ELAPOR1: variants seen among roughly 807,000 people sequenced by gnomAD.
The protein encoded by ELAPOR1 is endosome/lysosome-associated apoptosis and autophagy regulator 1.
A neutral mutation model predicts 119.7 loss-of-function variants in ELAPOR1; 77 were observed. The ratio of observed to expected loss-of-function variants is 0.64; its 90% CI spans 0.54 to 0.78. The LOEUF (loss-of-function observed/expected upper bound fraction) is 0.78, where lower values mean the gene tolerates loss of function less well. Ranked by LOEUF, ELAPOR1 falls within the 30% of genes least tolerant of loss-of-function variation. The probability of loss-of-function intolerance (pLI) is 0.00; values close to 1 mark genes in which losing one functional copy is unlikely to be tolerated. For synonymous variants in ELAPOR1, 481 were observed against 487.2 expected (o/e 0.99, Z 0.17); for missense variants, 1,115 against 1,270.4 (o/e 0.88, Z 1.86).
At position 109,161,874 on chromosome 1, in the gene ELAPOR1, C is replaced by T. The variant is rs372901579; in HGVS notation, c.154-20C>T. The T allele has an allele frequency of 5.8e-5, 92 of 1,598,562 alleles. No homozygotes were observed. Among genetic ancestry groups the T allele is most frequent in the Middle Eastern group, 1.7e-4 (1 of 6,048 alleles). ...GATCACTGCTAATGCACATTTCGCC[C>T]ACTGTTCTCTCCCCTGCAGTCTGAG... On this transcript the variant is annotated intron_variant, in intron 1 of 21. Coordinates refer to ENST00000369939, the MANE Select transcript of ELAPOR1 (RefSeq NM_020775.5).
intron 1 of ELAPOR1, among the ~76,000 whole-genome samples, chr1:109,121,239 C>T (rs1648395343): frequency 6.6e-6 from 1 of 152,062 alleles, no homozygotes; most frequent in East Asian, 1.9e-4. Flanking sequence ...CTCCGCCTCC[C>T]AGGTTCAAGG....
At chr1:109,178,199 CG>C (rs1412877198) in intron 7 of ELAPOR1, among the ~76,000 whole-genome samples, 11 of 151,908 alleles carry the variant, frequency 7.2e-5, no homozygotes, top group African/African-American at 2.7e-4. Context: ...TTAGTAGAGA[CG>C]GGGTTTCACC....
At chr1:109,164,067 T>C (rs1473793194) in intron 2 of ELAPOR1, among the ~76,000 whole-genome samples, 1 of 152,164 alleles carries the variant, frequency 6.6e-6, no homozygotes, top group Non-Finnish European at 1.5e-5. Flanking sequence ...GTATATAATT[T>C]ATATGCCATG....
Position 109,194,575 on chromosome 1 carries a change from T to G in ELAPOR1, c.2102T>G (p.Leu701Arg). The G allele has an allele frequency of 6.2e-7, 1 of 1,613,824 alleles. No individual in the cohort carries two copies. Among genetic ancestry groups the G allele is most frequent in the South Asian group, 1.1e-5 (1 of 91,070 alleles). Residue 701 changes from leucine to arginine, a missense_variant, in exon 15 of 22, where the codon CTC becomes CGC. Physicochemically the swap from Leu to Arg is moderately radical, Grantham distance 102. Transcript: ENST00000369939. Reference protein sequence around the residue: ...KGLKYFHHFTLSLCGNQGRKM... With the variant: ...KGLKYFHHFTRSLCGNQGRKM... ...CTGAAATACTTCCATCACTTTACCC[T>G]CAGTCTCTGTGGAAACCAGGTAAGG... is the stretch of plus-strand genomic sequence containing the variant.
At chr1:109,167,017 C>T (rs1558045033) in intron 3 of ELAPOR1, among the ~76,000 whole-genome samples, 1 of 152,156 alleles carries the variant, frequency 6.6e-6, no homozygotes, top group Non-Finnish European at 1.5e-5. Flanking sequence ...TAGAGTTCAA[C>T]TTGGTGTGTC....
chr1:109,121,628 GC>G, intron 1 of ELAPOR1, among the ~76,000 whole-genome samples: 1 of 152,128 alleles, frequency 6.6e-6, no homozygotes, highest in Non-Finnish European at 1.5e-5. Flanking sequence ...GGGTAATGCT[GC>G]CTTAGACACT....
At chr1:109,132,430 G>T (rs1649206552) in intron 1 of ELAPOR1, among the ~76,000 whole-genome samples, 1 of 152,160 alleles carries the variant, frequency 6.6e-6, no homozygotes, top group Non-Finnish European at 1.5e-5. Context: ...ACAGCTGTGG[G>T]CTACCGCACC....
At chr1:109,199,344 G>T (rs184159215) in intron 18 of ELAPOR1, among the ~76,000 whole-genome samples, 1 of 152,322 alleles carries the variant, frequency 6.6e-6, no homozygotes, top group Non-Finnish European at 1.5e-5. Context: ...GGGAGATGGG[G>T]AGCAAAGCAG....
Position 109,173,726 on chromosome 1 carries a change from G to A in ELAPOR1, c.841G>A (p.Gly281Ser). Residue 281 changes from glycine (G) to serine (S), a missense_variant, in exon 7 of 22, where the codon GGC becomes AGC. By Grantham distance (56) the Gly-to-Ser change is moderately conservative. Transcript: ENST00000369939. ...TTCAGAATGCTTCCCCTGCAAACCT[G>A]GCACGTATGCAGACAAGCAGGGCTC... The part of the protein sequence containing the change: ...YTSECFPCKP[G>S]TYADKQGSSF... 6.2e-7 allele frequency: 1 copy of A among 1,614,084 alleles called. No individual in the cohort carries two copies. Among genetic ancestry groups the A allele is most frequent in the South Asian group, 1.1e-5 (1 of 91,074 alleles).
intron 1 of ELAPOR1, among the ~76,000 whole-genome samples, chr1:109,157,312 G>T (rs994227101): frequency 3.3e-5 from 5 of 152,132 alleles, no homozygotes; most frequent in Non-Finnish European, 1.5e-5. Flanking sequence ...GCCTCTCAAT[G>T]ACTCAATTTT....
chr1:109,201,225 T>G, intron 21 of ELAPOR1: 1 of 463,050 alleles, frequency 2.2e-6, no homozygotes, highest in Non-Finnish European at 4.2e-6. Context: ...ACTCCTTTTT[T>G]TATTTTCACT....
chr1:109,136,124 T>C (rs1481519792), intron 1 of ELAPOR1, among the ~76,000 whole-genome samples: 1 of 152,224 alleles, frequency 6.6e-6, no homozygotes, highest in Non-Finnish European at 1.5e-5. Context: ...TTCAATTGTG[T>C]CCTTCAAAAG....
intron 7 of ELAPOR1, among the ~76,000 whole-genome samples, chr1:109,174,638 G>C (rs1245351452): frequency 1.3e-5 from 2 of 151,788 alleles, no homozygotes; most frequent in Non-Finnish European, 2.9e-5. Context: ...ATGTGAGATG[G>C]TAAAAAGTGC....
chr1:109,150,331 G>A (rs758776158), intron 1 of ELAPOR1, among the ~76,000 whole-genome samples: 12 of 152,216 alleles, frequency 7.9e-5, no homozygotes, highest in Non-Finnish European at 1.5e-4. Flanking sequence ...GAAAGAAAGG[G>A]CAGTGTAAGG....
At chr1:109,166,203 C>T (rs954285206) in intron 3 of ELAPOR1, among the ~76,000 whole-genome samples, 2 of 152,214 alleles carry the variant, frequency 1.3e-5, no homozygotes, top group Non-Finnish European at 1.5e-5. Context: ...CGTGAGCCAC[C>T]GCACCCAGCT....
rs773430242 is a variant in ELAPOR1, at chr1:109,200,760, G to A, written c.2833G>A (p.Val945Met). 1.2e-6 allele frequency: 2 copies of A among 1,614,074 alleles called. No homozygotes were observed. Among genetic ancestry groups the A allele is most frequent in the African/African-American group, 1.3e-5 (1 of 75,024 alleles). Residue 945 changes from valine to methionine, a missense_variant, in exon 21 of 22, where the codon GTG becomes ATG. Physicochemically the swap from Val to Met is conservative, Grantham distance 21. Coordinates refer to ENST00000369939, the MANE Select transcript of ELAPOR1 (RefSeq NM_020775.5). ...ACTAGAGTACAAGTACTCCAAGCTG[G>A]TGATGAATGCTACTCTCAAGGACTG... ...QKLEYKYSKLVMNATLKDCDL... is the reference protein window; with the variant it reads ...QKLEYKYSKLMMNATLKDCDL...
chr1:109,116,382 A>G (rs951542240), intron 1 of ELAPOR1, among the ~76,000 whole-genome samples: 1 of 152,214 alleles, frequency 6.6e-6, no homozygotes, highest in African/African-American at 2.4e-5. Flanking sequence ...GAAACACAAA[A>G]GAGAGTTACC....
At chr1:109,167,020 G>C (rs559356163) in intron 3 of ELAPOR1, among the ~76,000 whole-genome samples, 2 of 152,268 alleles carry the variant, frequency 1.3e-5, no homozygotes, top group East Asian at 3.9e-4. Flanking sequence ...AGTTCAACTT[G>C]GTGTGTCAGA....
intron 7 of ELAPOR1, among the ~76,000 whole-genome samples, chr1:109,182,034 A>C (rs1036225386): frequency 6.6e-6 from 1 of 152,080 alleles, no homozygotes; most frequent in East Asian, 1.9e-4. Context: ...ACTACTCCCA[A>C]ATAAAAATAA....
Sources: allele counts gnomAD v4.1 joint callset (sites outside exome capture counted in the v4.1 genomes callset), GRCh38; gene constraint gnomAD v4.1.1; transcripts MANE v1.5; gene names NCBI Gene and HGNC (gene_info 2026-07-23, HGNC 2026-07-21).